The following ERG variants were observed in gnomAD, a reference collection of about 807,000 sequenced individuals.
The protein encoded by ERG is ETS transcription factor ERG.
ERG carries 9 observed loss-of-function variants against 55.3 expected under a neutral mutation model. The observed-to-expected ratio is 0.16, with a 90% CI of 0.10 to 0.28. The LOEUF (loss-of-function observed/expected upper bound fraction) is 0.28. Among genes scored for constraint, ERG ranks in the 10% least tolerant of loss-of-function variants. The probability of loss-of-function intolerance (pLI) is 1.00; values close to 1 mark genes in which losing one functional copy is unlikely to be tolerated. For missense variants in ERG, 434 were observed against 631.6 expected, an observed-to-expected ratio of 0.69 and a Z score of 3.35; for synonymous variants, 223 against 237.3, an observed-to-expected ratio of 0.94 and a Z score of 0.55.
chr21:38,384,939 C>CA, intron 9 of ERG, among the ~76,000 whole-genome samples: 1 of 152,068 alleles, frequency 6.6e-6, no homozygotes, highest in Admixed American at 6.5e-5. Context: ...TGTGCTGCAA[C>CA]GCCAATTGTG....
chr21:38,423,377 C>G, intron 3 of ERG, 33 bp downstream of exon 3: 1 of 1,589,490 alleles, frequency 6.3e-7, no homozygotes, highest in Non-Finnish European at 8.6e-7. Context: ...AAGTTGCGAT[C>G]TGCCGAGGGC....
chr21:38,535,289 G>C (rs1476503415), intron 2 of ERG, among the ~76,000 whole-genome samples: 1 of 152,178 alleles, frequency 6.6e-6, no homozygotes, highest in African/African-American at 2.4e-5. Context: ...AGAACACGGG[G>C]AGTGTTGATT....
intron 1 of ERG, among the ~76,000 whole-genome samples, chr21:38,615,050 C>G (rs2060250436): frequency 6.6e-6 from 1 of 152,210 alleles, no homozygotes; most frequent in African/African-American, 2.4e-5. Flanking sequence ...AAGCAATTTC[C>G]TAACAACTGA....
chr21:38,492,538 G>A (rs1334267411), intron 1 of ERG, among the ~76,000 whole-genome samples: 1 of 152,024 alleles, frequency 6.6e-6, no homozygotes, highest in African/African-American at 2.4e-5. Flanking sequence ...AGTGCTTATT[G>A]AACCTCTACT....
At chr21:38,543,593 CAAAAT>C (rs1420967108) in intron 2 of ERG, among the ~76,000 whole-genome samples, 1 of 151,788 alleles carries the variant, frequency 6.6e-6, no homozygotes, top group African/African-American at 2.4e-5. Flanking sequence ...CACAAACAAG[CAAAAT>C]AAAAACCCCT....
At chr21:38,639,952 G>A (rs915923156) in intron 1 of ERG, among the ~76,000 whole-genome samples, 1 of 152,116 alleles carries the variant, frequency 6.6e-6, no homozygotes, top group South Asian at 2.1e-4. Flanking sequence ...GAAACAGCCG[G>A]TTCCATCTGT....
At chr21:38,547,145 T>C (rs969324411) in intron 2 of ERG, among the ~76,000 whole-genome samples, 1 of 152,172 alleles carries the variant, frequency 6.6e-6, no homozygotes, top group African/African-American at 2.4e-5. Context: ...CTGCCCTAGA[T>C]AACTTCTGAG....
intron 2 of ERG, among the ~76,000 whole-genome samples, chr21:38,531,955 T>A (rs1485087671): frequency 6.6e-6 from 1 of 152,170 alleles, no homozygotes; most frequent in Non-Finnish European, 1.5e-5. Flanking sequence ...ACAATTTGGT[T>A]CATTTCAAGA....
At position 38,382,786 on chromosome 21, in the gene ERG, A is replaced by G. The variant is rs1987509359; in HGVS notation, c.*617T>C. The G allele has an allele frequency of 9.4e-7, 1 of 1,066,192 alleles. No homozygotes were observed. Among genetic ancestry groups the G allele is most frequent in the Non-Finnish European group, 1.1e-6 (1 of 879,594 alleles). 66.0% of individuals were successfully genotyped at this position (1,066,192 alleles called of 1,614,324 possible). A position where few individuals can be genotyped will look rare whatever the true frequency, so the allele number is the denominator to read the frequency against. ...CATAGTCCCGGTAATACTGTAAAGG[A>G]GTTGGAAACTTTGGGTCATCTTCAC... is the stretch of plus-strand genomic sequence containing the variant. On this transcript the variant is annotated 3_prime_UTR_variant, in exon 10 of 10. Transcript: ENST00000288319.
At chr21:38,491,698 G>T (rs2059337604) in intron 1 of ERG, among the ~76,000 whole-genome samples, 1 of 152,136 alleles carries the variant, frequency 6.6e-6, no homozygotes, top group Admixed American at 6.5e-5. Flanking sequence ...TGAACACCCT[G>T]CTGAAAGACT....
intron 1 of ERG, among the ~76,000 whole-genome samples, chr21:38,461,173 G>C (rs1240512430): frequency 6.6e-6 from 1 of 152,192 alleles, no homozygotes; most frequent in African/African-American, 2.4e-5. Context: ...GGAAGTCAGA[G>C]AGCAAAGTAG....
At chr21:38,458,676 A>G (rs1425643838) in intron 1 of ERG, among the ~76,000 whole-genome samples, 1 of 152,116 alleles carries the variant, frequency 6.6e-6, no homozygotes, top group Non-Finnish European at 1.5e-5. Flanking sequence ...TAACCTTCAT[A>G]CTTTGCTTTC....
At chr21:38,488,194 AG>A (rs1488880837) in intron 1 of ERG, among the ~76,000 whole-genome samples, 2 of 152,132 alleles carry the variant, frequency 1.3e-5, no homozygotes, top group East Asian at 3.9e-4. Context: ...AGCATTTAAG[AG>A]GCTCAGCATT....
At chr21:38,446,738 T>C (rs1287408966) in intron 1 of ERG, among the ~76,000 whole-genome samples, 1 of 149,818 alleles carries the variant, frequency 6.7e-6, no homozygotes, top group African/African-American at 2.5e-5. Flanking sequence ...GGCAGGGGAG[T>C]GTGGGCTGCG....
At chr21:38,566,539 C>A (rs1357418387) in intron 2 of ERG, among the ~76,000 whole-genome samples, 1 of 152,172 alleles carries the variant, frequency 6.6e-6, no homozygotes, top group Non-Finnish European at 1.5e-5. Context: ...GTGGAAGAAG[C>A]AACAAGTGTC....
chr21:38,537,742 T>G (rs1277188892), intron 2 of ERG, among the ~76,000 whole-genome samples: 1 of 152,106 alleles, frequency 6.6e-6, no homozygotes, highest in African/African-American at 2.4e-5. Context: ...AATGGGAAAG[T>G]CACTATAAAA....
At chr21:38,652,757 G>T (rs1019758149) in intron 1 of ERG, among the ~76,000 whole-genome samples, 1 of 152,210 alleles carries the variant, frequency 6.6e-6, no homozygotes, top group African/African-American at 2.4e-5. Context: ...ATTGCACGAG[G>T]CTGTCTCCCT....
chr21:38,424,638 C>T (rs569142120), intron 2 of ERG, among the ~76,000 whole-genome samples: 2 of 152,326 alleles, frequency 1.3e-5, no homozygotes, highest in South Asian at 4.1e-4. Context: ...CAGGGACACT[C>T]GCTGCTCAGT....
At chr21:38,392,718 A>C (rs986060189) in intron 6 of ERG, among the ~76,000 whole-genome samples, 2 of 152,192 alleles carry the variant, frequency 1.3e-5, no homozygotes, top group Non-Finnish European at 2.9e-5. Flanking sequence ...ACCATAAGTC[A>C]AGACCCCAAT....
Sources: allele counts gnomAD v4.1 joint callset (sites outside exome capture counted in the v4.1 genomes callset), GRCh38; gene constraint gnomAD v4.1.1; transcripts MANE v1.5; gene names NCBI Gene and HGNC (gene_info 2026-07-23, HGNC 2026-07-21).